The following SLC44A3 variants were observed in gnomAD, a reference collection of about 807,000 sequenced individuals.
SLC44A3 encodes the protein solute carrier family 44 member 3, also known as choline transporter-like protein 3.
A neutral mutation model predicts 75.4 loss-of-function variants in SLC44A3; 74 were observed. The ratio of observed to expected loss-of-function variants is 0.98; its 90% CI spans 0.81 to 1.19. The LOEUF (loss-of-function observed/expected upper bound fraction) is 1.19. SLC44A3 is among the 50% of genes most tolerant of loss of function. The pLI, the probability that SLC44A3 is intolerant of heterozygous loss-of-function variation, is 0.00. For missense variants in SLC44A3, 700 were observed against 778.6 expected (o/e 0.90, Z 1.20); for synonymous variants, 310 against 296.9 (o/e 1.04, Z -0.45).
At chr1:94,828,933 A>G (rs990849065) in intron 5 of SLC44A3, among the ~76,000 whole-genome samples, 1 of 152,176 alleles carries the variant, frequency 6.6e-6, no homozygotes, top group African/African-American at 2.4e-5. Flanking sequence ...CCAATTATTT[A>G]TTGCAAAGTA....
intron 9 of SLC44A3, among the ~76,000 whole-genome samples, chr1:94,848,928 G>C (rs1664817463): frequency 6.6e-6 from 1 of 152,152 alleles, no homozygotes; most frequent in African/African-American, 2.4e-5. Context: ...GGGGGATGCA[G>C]CAGAAGTCAA....
intron 12 of SLC44A3, among the ~76,000 whole-genome samples, chr1:94,880,924 G>A (rs1394631237): frequency 6.7e-6 from 1 of 148,768 alleles, no homozygotes; most frequent in African/African-American, 2.5e-5. Flanking sequence ...AAGGCAAAGA[G>A]CTGGTGTGGT....
intron 9 of SLC44A3, among the ~76,000 whole-genome samples, chr1:94,845,936 C>A (rs1664344590): frequency 6.6e-6 from 1 of 152,092 alleles, no homozygotes; most frequent in Non-Finnish European, 1.5e-5. Flanking sequence ...ACCACGAGGT[C>A]AGGAGTTTGA....
At chr1:94,842,273 A>C in intron 8 of SLC44A3, 149 bp downstream of exon 8, 7 of 1,124,422 alleles carry the variant, frequency 6.2e-6, no homozygotes, top group Non-Finnish European at 8.5e-6. Flanking sequence ...GTATAGGGAT[A>C]ATTCAAAACT....
Position 94,845,394 on chromosome 1 carries a change from G to C in SLC44A3, c.1002G>C (p.Leu334=), listed in dbSNP as rs768463743. The C allele has an allele frequency of 1.9e-6, 3 of 1,613,972 alleles. No homozygotes were observed. The African/African-American group carries it at 4.0e-5, about 22-fold the overall frequency. Residue 334 remains leucine, a synonymous_variant, in exon 9 of 15, where the codon CTG becomes CTC. Coordinates refer to ENST00000271227, the MANE Select transcript of SLC44A3 (RefSeq NM_001114106.3). ...CTCCCTTCCTGCTGTTCCAGCCACT[G>C]TGGACATTTGCCATCCTCATTTTCT... ...SSAPFLLFQP[L]WTFAILIFFW...
At chr1:94,855,996 A>G (rs1665822284) in intron 9 of SLC44A3, among the ~76,000 whole-genome samples, 1 of 152,194 alleles carries the variant, frequency 6.6e-6, no homozygotes, top group African/African-American at 2.4e-5. Context: ...CAGTGAATTT[A>G]CCAGTGGATT....
intron 14 of SLC44A3, among the ~76,000 whole-genome samples, chr1:94,892,946 C>T (rs1017398450): frequency 1.3e-5 from 2 of 152,232 alleles, no homozygotes; most frequent in African/African-American, 4.8e-5. Flanking sequence ...TTAGGGAGAG[C>T]ACACTTGTGT....
rs1660815398 is a variant in SLC44A3 at position 94,822,921 on chromosome 1, A to T, written c.136-1572A>T. Among the ~76,000 whole-genome samples the T allele has an allele frequency of 2.6e-5, 4 of 152,206 alleles. No individual in the cohort carries two copies. The South Asian group carries it at 8.3e-4, about 32-fold the overall frequency. On this transcript the variant is annotated intron_variant, in intron 2 of 14. Transcript: ENST00000271227. The stretch of plus-strand genomic sequence containing the variant: ...AGGTTTATAGTAGTAGTTTCTTGGA[A>T]GGCCGAGGCAGGAAGATCCCTTGAA...
chr1:94,858,612 T>C (rs759093986), intron 10 of SLC44A3, among the ~76,000 whole-genome samples: 11 of 152,246 alleles, frequency 7.2e-5, no homozygotes, highest in Admixed American at 1.3e-4. Context: ...GGAGAGACTA[T>C]CTGCCAGGGG....
chr1:94,867,934 A>G (rs1055123020), intron 12 of SLC44A3, among the ~76,000 whole-genome samples: 1 of 152,196 alleles, frequency 6.6e-6, no homozygotes, highest in Non-Finnish European at 1.5e-5. Flanking sequence ...CATAATGAAT[A>G]TATATCAACT....
intron 4 of SLC44A3, among the ~76,000 whole-genome samples, chr1:94,828,063 A>G (rs1315253835): frequency 1.3e-5 from 2 of 152,180 alleles, no homozygotes; most frequent in Non-Finnish European, 2.9e-5. Flanking sequence ...TTTGGGGCCA[A>G]TAGATACTTC....
chr1:94,886,382 C>T (rs1388299826), intron 12 of SLC44A3, among the ~76,000 whole-genome samples: 7 of 152,122 alleles, frequency 4.6e-5, no homozygotes, highest in Non-Finnish European at 5.9e-5. Flanking sequence ...CCACACTCTG[C>T]ATCAGCCCCA....
At chr1:94,887,750 G>A (rs12140798) in intron 12 of SLC44A3, among the ~76,000 whole-genome samples, 15,682 of 152,122 alleles carry the variant, frequency 0.1, 864 homozygotes, top group African/African-American at 0.11. Flanking sequence ...TGGGCTGGAG[G>A]CAGCCTGAAT....
intron 12 of SLC44A3, chr1:94,888,605 T>TC: frequency 1.1e-6 from 1 of 941,052 alleles, no homozygotes. Context: ...GCACATTCTA[T>TC]GTAAGTCCAA....
intron 5 of SLC44A3, among the ~76,000 whole-genome samples, chr1:94,832,186 C>T (rs767502): frequency 0.52 from 79,427 of 151,822 alleles, 20,970 homozygotes; most frequent in East Asian, 0.69. Context: ...AGATGCATCC[C>T]TACCCCAGCT....
intron 14 of SLC44A3, among the ~76,000 whole-genome samples, chr1:94,894,120 C>A (rs1258280032): frequency 1.3e-5 from 2 of 152,128 alleles, no homozygotes; most frequent in Non-Finnish European, 2.9e-5. Context: ...AAAAAAAATC[C>A]ACCTTGAAAT....
chr1:94,850,006 C>T (rs1020714462), intron 9 of SLC44A3, among the ~76,000 whole-genome samples: 1 of 152,066 alleles, frequency 6.6e-6, no homozygotes, highest in Non-Finnish European at 1.5e-5. Flanking sequence ...CTTTGGCCTC[C>T]CAAGGTTTTG....
rs1670310758 is a variant in SLC44A3 at position 94,892,362 on chromosome 1, C to A, written c.1702C>A (p.Leu568Met). The change falls in exon 14 of 15, where the codon CTG becomes ATG. Residue 568 changes from leucine to methionine, a missense_variant. Coordinates refer to ENST00000271227, the MANE Select transcript of SLC44A3 (RefSeq NM_001114106.3). ...GGCATTCCAGGTGTGGGCAGTCCCT[C>A]TGTTATTGGTAGCTTTTTTTGCCTA... is the stretch of plus-strand genomic sequence containing the variant. ...NRAFQVWAVP[L>M]LLVAFFAYLV... 3 of 1,614,062 alleles carry A rather than the reference C, an allele frequency of 1.9e-6. No homozygotes were observed. The African/African-American group carries it at 4.0e-5, about 22-fold the overall frequency.
Position 94,894,997 on chromosome 1 carries a change from T to A in SLC44A3, c.*75T>A. On this transcript the variant is annotated 3_prime_UTR_variant, in exon 15 of 15. Transcript: ENST00000271227. ...TTTACAGAATAGAAGATGAGACCACTAGAGAAAAGTTAGTGAATTTTTTTT... is the reference window on the plus strand; with the variant it reads ...TTTACAGAATAGAAGATGAGACCACAAGAGAAAAGTTAGTGAATTTTTTTT... 1.7e-6 allele frequency: 2 copies of A among 1,152,796 alleles called. No homozygotes were observed. Among genetic ancestry groups the A allele is most frequent in the Admixed American group, 2.7e-5 (1 of 37,704 alleles). The allele number at this position is 1,152,796 out of a possible 1,614,324, so 71.4% of individuals were successfully genotyped here. A position where few individuals can be genotyped will look rare whatever the true frequency, so the allele number is the denominator to read the frequency against.
Sources: gnomAD v4.1 joint callset for allele counts (sites outside exome capture counted in the v4.1 genomes callset) on GRCh38, gnomAD v4.1.1 for gene constraint, MANE v1.5 for transcripts, NCBI Gene and HGNC (gene_info 2026-07-23, HGNC 2026-07-21) for gene names.